ANKS1B: variants seen among roughly 807,000 people sequenced by gnomAD.
ANKS1B encodes the protein ankyrin repeat and sterile alpha motif domain containing 1B.
A neutral mutation model predicts 148.3 loss-of-function variants in ANKS1B; 36 were observed. That is an observed-to-expected ratio of 0.24 (90% CI 0.19 to 0.32). ANKS1B has a LOEUF of 0.32. Ranked by LOEUF, ANKS1B falls within the 10% of genes least tolerant of loss-of-function variation. ANKS1B has a pLI of 1.00. For synonymous variants in ANKS1B, 542 were observed against 560.8 expected (o/e 0.97, Z 0.47); for missense variants, 1,157 against 1,542.6 (o/e 0.75, Z 4.19).
chr12:99,467,847 G>A (rs1405959168), intron 10 of ANKS1B, among the ~76,000 whole-genome samples: 1 of 152,142 alleles, frequency 6.6e-6, no homozygotes, highest in Non-Finnish European at 1.5e-5. Context: ...TCAATATCGT[G>A]AAAATGGCAT....
Position 99,299,249 on chromosome 12 carries a change from C to T in ANKS1B, c.1757-52385G>A, listed in dbSNP as rs139448947. 6.1e-4 allele frequency among the ~76,000 whole-genome samples: 93 copies of T among 152,006 alleles called. 1 individual carries two copies. Among genetic ancestry groups the T allele is most frequent in the South Asian group, 3.1e-3 (15 of 4,816 alleles). ...CTAAGTTTTCTATTTTTTGTAGAGA[C>T]GAGGTCTCGCTATGTTGTCCAGGCT... On this transcript the variant is annotated intron_variant, in intron 12 of 26. Coordinates refer to ENST00000683438, the MANE Select transcript of ANKS1B (RefSeq NM_001352186.2).
chr12:99,806,707 C>T lies in ANKS1B; in HGVS notation c.373-7G>A, dbSNP rs1373182977. Reference sequence around the variant, plus strand: ...CAGTTTCATTTTCATTGTTCTAAGACAAAGATTTTTAAAAAGGCACATTTT... The same window carrying T: ...CAGTTTCATTTTCATTGTTCTAAGATAAAGATTTTTAAAAAGGCACATTTT... On this transcript the variant is annotated splice_polypyrimidine_tract_variant and splice_region_variant and intron_variant, in intron 3 of 26. Transcript: ENST00000683438. 6.3e-6 allele frequency: 10 copies of T among 1,588,602 alleles called. No individual in the cohort carries two copies. The South Asian group carries it at 1.0e-4, about 16-fold the overall frequency.
chr12:99,306,048 C>T (rs916664745), intron 12 of ANKS1B, among the ~76,000 whole-genome samples: 1 of 152,166 alleles, frequency 6.6e-6, no homozygotes, highest in Non-Finnish European at 1.5e-5. Flanking sequence ...AATTTGAACT[C>T]CAGGGGTTTT....
intron 11 of ANKS1B, among the ~76,000 whole-genome samples, chr12:99,413,209 T>C (rs2094777376): frequency 6.6e-6 from 1 of 152,218 alleles, no homozygotes; most frequent in Admixed American, 6.5e-5. Flanking sequence ...TATTACTCTT[T>C]CCATTTTATA....
At chr12:99,355,618 ATT>A (rs2091903749) in intron 12 of ANKS1B, among the ~76,000 whole-genome samples, 1 of 151,972 alleles carries the variant, frequency 6.6e-6, no homozygotes, top group African/African-American at 2.4e-5. Flanking sequence ...TCTCATTTAC[ATT>A]TGTCGTTTTG....
intron 15 of ANKS1B, among the ~76,000 whole-genome samples, chr12:99,148,526 TA>T (rs2073923882): frequency 6.6e-6 from 1 of 152,086 alleles, no homozygotes; most frequent in Non-Finnish European, 1.5e-5. Context: ...GCTAATGGGA[TA>T]TACAAGAACA....
intron 15 of ANKS1B, among the ~76,000 whole-genome samples, chr12:99,104,223 C>A (rs2058646008): frequency 6.6e-6 from 1 of 151,896 alleles, no homozygotes; most frequent in South Asian, 2.1e-4. Context: ...CAAGTGAGGG[C>A]AAGTTGGTTA....
intron 11 of ANKS1B, among the ~76,000 whole-genome samples, chr12:99,441,545 T>C (rs2095550644): frequency 6.6e-6 from 1 of 151,984 alleles, no homozygotes. Flanking sequence ...ATTGAAGTTA[T>C]ATTCTTTCTG....
At chr12:99,593,975 T>C (rs1396304883) in intron 9 of ANKS1B, among the ~76,000 whole-genome samples, 1 of 152,028 alleles carries the variant, frequency 6.6e-6, no homozygotes, top group African/African-American at 2.4e-5. Context: ...ATCTCCGTCT[T>C]GACAGAGAGC....
chr12:99,902,909 C>A (rs1300116247), intron 1 of ANKS1B, among the ~76,000 whole-genome samples: 1 of 114,208 alleles, frequency 8.8e-6, no homozygotes, highest in African/African-American at 3.6e-5. Flanking sequence ...CACCACCACG[C>A]CCGGCTAATT....
chr12:98,926,375 C>G (rs1188713058), intron 17 of ANKS1B, among the ~76,000 whole-genome samples: 1 of 152,116 alleles, frequency 6.6e-6, no homozygotes, highest in East Asian at 1.9e-4. Context: ...CAAACAGCAG[C>G]TGCAATAATA....
chr12:99,095,203 C>G (rs1054176651), intron 15 of ANKS1B, among the ~76,000 whole-genome samples: 13 of 152,178 alleles, frequency 8.5e-5, no homozygotes, highest in African/African-American at 3.1e-4. Context: ...ATGGACCCAG[C>G]AATTCTGTTT....
downstream of ANKS1B, among the ~76,000 whole-genome samples, chr12:98,743,002 T>A (rs1260655933): frequency 6.6e-6 from 1 of 151,838 alleles, no homozygotes; most frequent in East Asian, 1.9e-4. Flanking sequence ...TAGAAAGTTA[T>A]TTTTTTTAAA....
chr12:99,475,261 A>G (rs1275984678), intron 10 of ANKS1B, among the ~76,000 whole-genome samples: 1 of 151,614 alleles, frequency 6.6e-6, no homozygotes. Context: ...AAAAGAAAAA[A>G]AAAAAACCTC....
chr12:99,514,132 A>G (rs1567246564), intron 9 of ANKS1B, among the ~76,000 whole-genome samples: 1 of 152,054 alleles, frequency 6.6e-6, no homozygotes, highest in Non-Finnish European at 1.5e-5. Flanking sequence ...CCATTAGTTG[A>G]TAAGATAAAT....
intron 14 of ANKS1B, among the ~76,000 whole-genome samples, chr12:99,176,344 T>C (rs1265254975): frequency 6.6e-6 from 1 of 152,218 alleles, no homozygotes; most frequent in Non-Finnish European, 1.5e-5. Flanking sequence ...TTTCTTGTTA[T>C]GAATGCATGC....
At chr12:98,915,345 A>G (rs2099792837) in intron 17 of ANKS1B, among the ~76,000 whole-genome samples, 1 of 138,606 alleles carries the variant, frequency 7.2e-6, no homozygotes, top group African/African-American at 3.1e-5. Context: ...TCTAGCCTCC[A>G]GAACTGTGAG....
chr12:99,539,858 C>A (rs1460917755), intron 9 of ANKS1B, among the ~76,000 whole-genome samples: 2 of 152,044 alleles, frequency 1.3e-5, no homozygotes, highest in African/African-American at 4.8e-5. Context: ...TACAGACAAG[C>A]CACTGAGCCA....
chr12:99,739,600 G>T (rs1341832613), intron 8 of ANKS1B, among the ~76,000 whole-genome samples: 15 of 152,012 alleles, frequency 9.9e-5, no homozygotes, highest in African/African-American at 3.6e-4. Context: ...ATTTCTAGCG[G>T]CCCATAATGT....
Sources: allele counts gnomAD v4.1 joint callset (sites outside exome capture counted in the v4.1 genomes callset), GRCh38; gene constraint gnomAD v4.1.1; transcripts MANE v1.5; gene names NCBI Gene and HGNC (gene_info 2026-07-23, HGNC 2026-07-21).